Variants in GLMN observed in about 807,000 individuals in gnomAD.
GLMN encodes glomulin.
GLMN carries 75 observed loss-of-function variants against 87.8 expected under a neutral mutation model. The observed-to-expected ratio is 0.85, with a 90% CI of 0.71 to 1.04. The LOEUF is 1.04. Among genes scored for constraint, GLMN ranks in the 50% least tolerant of loss-of-function variants. GLMN has a pLI of 0.00. For synonymous variants in GLMN, 206 were observed against 221.6 expected (o/e 0.93, Z 0.63); for missense variants, 588 against 658.8 (o/e 0.89, Z 1.18).
intron 3 of GLMN, among the ~76,000 whole-genome samples, chr1:92,293,407 G>A (rs1227688354): frequency 1.3e-5 from 2 of 152,028 alleles, no homozygotes; most frequent in Admixed American, 6.5e-5. Flanking sequence ...CTGGGTTCAC[G>A]TCATTCTCCT....
At chr1:92,353,663 T>C in the GLMN span, among the ~76,000 whole-genome samples, 24 of 152,342 alleles carry the variant, frequency 1.6e-4, no homozygotes, top group African/African-American at 5.3e-4. Context: ...ATTTGTTATC[T>C]TATGATATTT....
chr1:92,323,989 G>C, the GLMN span: 1 of 1,614,092 alleles, frequency 6.2e-7, no homozygotes, highest in Non-Finnish European at 8.5e-7. Context: ...TTCAGTGCAG[G>C]TGTGTCCTGA....
At chr1:92,264,790 TAC>T (rs1404709947) in intron 13 of GLMN, 152 bp from the exon 14 acceptor site, 3 of 657,224 alleles carry the variant, frequency 4.6e-6, no homozygotes, top group Non-Finnish European at 8.2e-6. Context: ...ATCAACCAAT[TAC>T]AAAGTCACCT....
At chr1:92,269,689 A>C in intron 9 of GLMN, 34 bp downstream of exon 9, 1 of 1,430,382 alleles carries the variant, frequency 7.0e-7, no homozygotes, top group Non-Finnish European at 9.9e-7. Context: ...TAACACTACT[A>C]TTTCATTTTG....
chr1:92,331,885 G>T, the GLMN span, among the ~76,000 whole-genome samples: 3 of 152,022 alleles, frequency 2.0e-5, no homozygotes, highest in African/African-American at 7.2e-5. Flanking sequence ...ACTTTTGAAA[G>T]ATATTTTTCT....
At chr1:92,322,244 C>T in the GLMN span, among the ~76,000 whole-genome samples, 3,389 of 151,346 alleles carry the variant, frequency 0.022, 151 homozygotes, top group African/African-American at 0.077. Context: ...CCACACTCAG[C>T]CAAAGTTTTC....
the GLMN span, among the ~76,000 whole-genome samples, chr1:92,315,716 C>T: frequency 6.6e-6 from 1 of 152,132 alleles, no homozygotes; most frequent in Non-Finnish European, 1.5e-5. Context: ...ATTCTACCTC[C>T]ATACTTTTAT....
At chr1:92,258,811 A>C (rs950695994) in intron 16 of GLMN, among the ~76,000 whole-genome samples, 4 of 152,250 alleles carry the variant, frequency 2.6e-5, no homozygotes, top group African/African-American at 9.6e-5. Flanking sequence ...TGGTGAGTTG[A>C]TGGGTACAGC....
chr1:92,330,318 A>G, the GLMN span, among the ~76,000 whole-genome samples: 6 of 152,172 alleles, frequency 3.9e-5, no homozygotes, highest in Non-Finnish European at 8.8e-5. Context: ...TGGTAAAACA[A>G]GTTGGGAAAT....
At position 92,269,742 on chromosome 1, in the gene GLMN, T is replaced by C. The variant is rs968869114; in HGVS notation, c.958A>G (p.Ile320Val). Reference sequence around the variant, plus strand: ...TCTTACCTTTGCAAAAAGACTTCAATGTGCCCCATATTAAACTGCAAAAGG... The same window carrying C: ...TCTTACCTTTGCAAAAAGACTTCAACGTGCCCCATATTAAACTGCAAAAGG... ...LYLLQFNMGH[I>V]EVFLQRTEES... is the part of the protein sequence containing the mutation. Residue 320 changes from isoleucine to valine, a missense_variant, in exon 9 of 19, where the codon ATT becomes GTT. Transcript: ENST00000370360. 1.9e-6 allele frequency: 3 copies of C among 1,608,994 alleles called. No homozygotes were observed. Among genetic ancestry groups the C allele is most frequent in the South Asian group, 2.2e-5 (2 of 90,978 alleles).
chr1:92,311,828 AAAT>A, the GLMN span, among the ~76,000 whole-genome samples: 1 of 152,232 alleles, frequency 6.6e-6, no homozygotes. Context: ...TATCTTTAAA[AAAT>A]AATGTACATA....
chr1:92,305,450 A>AAAAAAAAC, the GLMN span, among the ~76,000 whole-genome samples: 21 of 141,908 alleles, frequency 1.5e-4, 1 homozygote, highest in African/African-American at 6.2e-4. Flanking sequence ...AAAAAAAAAA[A>AAAAAAAAC]AGACAATATG....
the GLMN span, among the ~76,000 whole-genome samples, chr1:92,321,476 A>T: frequency 0.05 from 7,629 of 151,434 alleles, 469 homozygotes; most frequent in African/African-American, 0.14. Context: ...ATATATATAT[A>T]TTTTTTTCTT....
chr1:92,329,261 G>A, the GLMN span, among the ~76,000 whole-genome samples: 1 of 152,144 alleles, frequency 6.6e-6, no homozygotes, highest in African/African-American at 2.4e-5. Flanking sequence ...GGCCAGTAGA[G>A]AAAGACCATC....
chr1:92,295,992 A>G (rs113609995), intron 3 of GLMN, among the ~76,000 whole-genome samples: 4,776 of 152,302 alleles, frequency 0.031, 253 homozygotes, highest in African/African-American at 0.11. Context: ...ATTATATTGG[A>G]GGTTACAAAG....
At chr1:92,307,335 T>C in the GLMN span, 4 of 1,181,912 alleles carry the variant, frequency 3.4e-6, no homozygotes, top group Non-Finnish European at 4.8e-6. Context: ...TTGTTTCTGC[T>C]TTTTGAGATT....
At chr1:92,330,530 C>T in the GLMN span, among the ~76,000 whole-genome samples, 1 of 132,896 alleles carries the variant, frequency 7.5e-6, no homozygotes, top group African/African-American at 2.8e-5. Context: ...TCACTGCAAA[C>T]TCCACCTCCT....
chr1:92,266,663 TA>T, intron 12 of GLMN, 36 bp downstream of exon 12: 1 of 1,433,316 alleles, frequency 7.0e-7, no homozygotes, highest in Non-Finnish European at 9.8e-7. Flanking sequence ...TTTCTCACTG[TA>T]ACTCATTATT....
chr1:92,253,128 GA>G (rs1653754039), intron 16 of GLMN, among the ~76,000 whole-genome samples: 1 of 152,084 alleles, frequency 6.6e-6, no homozygotes, highest in Non-Finnish European at 1.5e-5. Context: ...CTTAGAGAAA[GA>G]AACAACTTAC....
Sources: gnomAD v4.1 joint callset for allele counts (sites outside exome capture counted in the v4.1 genomes callset) on GRCh38, gnomAD v4.1.1 for gene constraint, MANE v1.5 for transcripts, NCBI Gene and HGNC (gene_info 2026-07-23, HGNC 2026-07-21) for gene names.